Variants in ERG observed in about 807,000 individuals in gnomAD.
ERG encodes transcriptional regulator ERG.
A neutral mutation model predicts 55.3 loss-of-function variants in ERG; 9 were observed. That is an observed-to-expected ratio of 0.16 (90% CI 0.10 to 0.28). ERG has a LOEUF of 0.28. ERG is among the 10% of genes least tolerant of loss of function. ERG has a pLI of 1.00. For synonymous variants in ERG, 223 were observed against 237.3 expected, an observed-to-expected ratio of 0.94 and a Z score of 0.55; for missense variants, 434 against 631.6, an observed-to-expected ratio of 0.69 and a Z score of 3.35.
chr21:38,574,604 A>T (rs2059983650), intron 2 of ERG, among the ~76,000 whole-genome samples: 1 of 152,268 alleles, frequency 6.6e-6, no homozygotes, highest in Admixed American at 6.5e-5. Flanking sequence ...GTATTGTTTT[A>T]AAATGTGTGT....
chr21:38,416,472 G>A (rs991381564), intron 3 of ERG, among the ~76,000 whole-genome samples: 2 of 152,146 alleles, frequency 1.3e-5, no homozygotes, highest in African/African-American at 2.4e-5. Flanking sequence ...AGAAACTTAA[G>A]TACAGCATCT....
chr21:38,406,136 C>T (rs1359924299), intron 3 of ERG, among the ~76,000 whole-genome samples: 1 of 114,730 alleles, frequency 8.7e-6, no homozygotes, highest in Non-Finnish European at 1.7e-5. Flanking sequence ...GCCTGAGCGA[C>T]AGAGCGAGAC....
chr21:38,577,270 G>A (rs1311399675), intron 1 of ERG, among the ~76,000 whole-genome samples: 1 of 151,870 alleles, frequency 6.6e-6, no homozygotes, highest in Non-Finnish European at 1.5e-5. Context: ...CAACCCAATT[G>A]CCTCTCATGA....
intron 2 of ERG, among the ~76,000 whole-genome samples, chr21:38,437,292 C>T (rs1010997181): frequency 6.6e-6 from 1 of 151,738 alleles, no homozygotes; most frequent in Non-Finnish European, 1.5e-5. Flanking sequence ...TTGTCAACTT[C>T]GACACTAGTG....
intron 1 of ERG, among the ~76,000 whole-genome samples, chr21:38,624,320 C>G (rs945560296): frequency 6.6e-6 from 1 of 152,122 alleles, no homozygotes; most frequent in Non-Finnish European, 1.5e-5. Flanking sequence ...GGAGGGAGAG[C>G]ATTAGGACAA....
At chr21:38,373,060 C>G in the ERG span, among the ~76,000 whole-genome samples, 1 of 152,256 alleles carries the variant, frequency 6.6e-6, no homozygotes, top group South Asian at 2.1e-4. Context: ...TTGCTCCAAA[C>G]CCTATAGGTT....
intron 2 of ERG, among the ~76,000 whole-genome samples, chr21:38,563,518 G>A (rs1293681991): frequency 3.9e-5 from 6 of 152,178 alleles, no homozygotes; most frequent in African/African-American, 1.2e-4. Context: ...GTGAGAGCAC[G>A]TCCTCTCTGC....
At chr21:38,619,156 T>C (rs1217240174) in intron 1 of ERG, among the ~76,000 whole-genome samples, 1 of 152,186 alleles carries the variant, frequency 6.6e-6, no homozygotes, top group Non-Finnish European at 1.5e-5. Context: ...ACCGACTTCC[T>C]TCCCCATGCT....
At chr21:38,581,108 G>C (rs567154854) in intron 1 of ERG, among the ~76,000 whole-genome samples, 2 of 152,304 alleles carry the variant, frequency 1.3e-5, no homozygotes, top group East Asian at 3.9e-4. Flanking sequence ...AAGATGCTCA[G>C]TCAAGTTTGG....
intron 2 of ERG, among the ~76,000 whole-genome samples, chr21:38,510,057 A>G (rs2059499491): frequency 6.6e-6 from 1 of 152,162 alleles, no homozygotes; most frequent in Admixed American, 6.5e-5. Context: ...AGGTTCACAG[A>G]GTGTGTCTCC....
At chr21:38,555,043 C>T (rs1008369454) in intron 2 of ERG, among the ~76,000 whole-genome samples, 1 of 152,070 alleles carries the variant, frequency 6.6e-6, no homozygotes, top group Non-Finnish European at 1.5e-5. Context: ...TGTTAAAAAT[C>T]TGGCCAGGGG....
chr21:38,456,065 G>GC (rs1164939080), intron 1 of ERG, among the ~76,000 whole-genome samples: 8 of 152,178 alleles, frequency 5.3e-5, no homozygotes, highest in Non-Finnish European at 7.3e-5. Context: ...TGTTTTCTAA[G>GC]ACTCCATTTT....
At chr21:38,495,304 G>T (rs2059370512) in intron 1 of ERG, among the ~76,000 whole-genome samples, 1 of 152,188 alleles carries the variant, frequency 6.6e-6, no homozygotes, top group South Asian at 2.1e-4. Context: ...AGTCCTATCA[G>T]GTCGTGTTTC....
chr21:38,515,715 T>G (rs919545852), intron 2 of ERG, among the ~76,000 whole-genome samples: 3 of 151,914 alleles, frequency 2.0e-5, no homozygotes, highest in African/African-American at 7.2e-5. Context: ...TTCTAGTATT[T>G]TGTTCAGCAA....
intron 2 of ERG, among the ~76,000 whole-genome samples, chr21:38,546,626 C>T (rs1052097961): frequency 8.8e-4 from 134 of 152,268 alleles, no homozygotes; most frequent in African/African-American, 3.1e-3. Context: ...TCCTCCAAAT[C>T]ACGATGTCTA....
At chr21:38,571,569 C>T (rs576897479) in intron 2 of ERG, among the ~76,000 whole-genome samples, 10 of 151,676 alleles carry the variant, frequency 6.6e-5, no homozygotes, top group South Asian at 2.1e-4. Flanking sequence ...GTACCTGGAA[C>T]GGCCTGCAAA....
intron 1 of ERG, among the ~76,000 whole-genome samples, chr21:38,618,057 C>T (rs1337962137): frequency 2.6e-5 from 4 of 152,208 alleles, no homozygotes; most frequent in African/African-American, 9.6e-5. Context: ...CCATTTACAA[C>T]TTTGCCCACT....
At chr21:38,652,307 T>C (rs1008944739) in intron 1 of ERG, among the ~76,000 whole-genome samples, 1 of 152,144 alleles carries the variant, frequency 6.6e-6, no homozygotes, top group African/African-American at 2.4e-5. Context: ...AGCCTCCGGG[T>C]AGCATGCTCT....
chr21:38,379,872 A>AT (rs997118593), downstream of ERG, among the ~76,000 whole-genome samples: 1 of 151,802 alleles, frequency 6.6e-6, no homozygotes, highest in Non-Finnish European at 1.5e-5. Flanking sequence ...GTATTTATTT[A>AT]TTTTTTTGTA....
Sources: gnomAD v4.1 joint callset for allele counts (sites outside exome capture counted in the v4.1 genomes callset) on GRCh38, gnomAD v4.1.1 for gene constraint, MANE v1.5 for transcripts, NCBI Gene and HGNC (gene_info 2026-07-23, HGNC 2026-07-21) for gene names.